The following FBXL18 variants were observed in gnomAD, a reference collection of about 807,000 sequenced individuals.
FBXL18 encodes F-box/LRR-repeat protein 18.
Under a neutral mutation model 46.0 loss-of-function variants are expected in FBXL18, and 36 were observed. The ratio of observed to expected loss-of-function variants is 0.78; its 90% CI spans 0.60 to 1.03. The LOEUF (loss-of-function observed/expected upper bound fraction) is 1.03. FBXL18 is among the 50% of genes least tolerant of loss of function. The pLI is 0.00. For synonymous variants in FBXL18, 557 were observed against 465.3 expected (o/e 1.20, Z -2.54); for missense variants, 977 against 1,004.1 (o/e 0.97, Z 0.36).
intron 3 of FBXL18, among the ~76,000 whole-genome samples, chr7:5,495,112 G>A (rs982315564): frequency 5.3e-5 from 8 of 152,182 alleles, no homozygotes; most frequent in Non-Finnish European, 8.8e-5. Context: ...GGATGGGGAC[G>A]AGGAAAAGGC....
At position 5,501,057 on chromosome 7, in the gene FBXL18, G is replaced by A; in HGVS notation, c.1212C>T (p.His404=). The change falls in exon 3 of 5, where the codon CAC becomes CAT. Residue 404 remains histidine, a synonymous_variant. Transcript: ENST00000382368. ...HHHSSEGLGR[H]LCQLLARLRH... The stretch of plus-strand genomic sequence containing the variant: ...GCAGCCGGGCCAGGAGCTGGCAGAG[G>A]TGGCGGCCCAGGCCCTCCGAGCTGT... The A allele has an allele frequency of 6.2e-7, 1 of 1,609,498 alleles. No individual in the cohort carries two copies. Among genetic ancestry groups the A allele is most frequent in the East Asian group, 2.2e-5 (1 of 44,846 alleles).
intron 3 of FBXL18, among the ~76,000 whole-genome samples, chr7:5,493,796 T>C (rs535416868): frequency 2.8e-4 from 42 of 152,066 alleles, no homozygotes; most frequent in Admixed American, 1.7e-3. Context: ...ATTATAGGCG[T>C]GAGCCACCAT....
At chr7:5,463,704 A>ATATATATATATATAT (rs1562672177) in intron 4 of FBXL18, among the ~76,000 whole-genome samples, 1 of 43,986 alleles carries the variant, frequency 2.3e-5, no homozygotes, top group African/African-American at 1.1e-4. Context: ...CTATATATAT[A>ATATATATATATATAT]TTTATTTATT....
intron 3 of FBXL18, among the ~76,000 whole-genome samples, chr7:5,500,058 C>G (rs539143975): frequency 6.7e-6 from 1 of 149,482 alleles, no homozygotes; most frequent in African/African-American, 2.5e-5. Context: ...GAGCGAGACC[C>G]TGTCTCAAAA....
chr7:5,466,246 T>G (rs542140051), intron 4 of FBXL18, among the ~76,000 whole-genome samples: 38 of 151,936 alleles, frequency 2.5e-4, no homozygotes, highest in Non-Finnish European at 3.7e-4. Context: ...CGGTGTTAAT[T>G]ACCACACAGT....
At chr7:5,510,091 C>T (rs903075641) in intron 1 of FBXL18, among the ~76,000 whole-genome samples, 1 of 151,814 alleles carries the variant, frequency 6.6e-6, no homozygotes, top group African/African-American at 2.4e-5. Context: ...CACTTGACGT[C>T]AGGAGTTCGA....
At chr7:5,466,177 AAAAAGAAAAG>A (rs1005464271) in intron 4 of FBXL18, among the ~76,000 whole-genome samples, 2 of 152,114 alleles carry the variant, frequency 1.3e-5, no homozygotes, top group South Asian at 4.1e-4. Context: ...TTTAAAAAAA[AAAAAGAAAAG>A]AAAAGAAAAA....
rs566971319 is a variant in FBXL18 at position 5,464,348 on chromosome 7, G to A, written c.2001-16505C>T. On this transcript the variant is annotated intron_variant and NMD_transcript_variant, in intron 4 of 6. Transcript: ENST00000415009. ...ACAAAAATTAGCCAGGCATGGTGGC[G>A]CACATCTGTAATCCCAGCTATTCGG... Among the ~76,000 whole-genome samples the A allele has an allele frequency of 9.2e-5, 14 of 151,962 alleles. No individual in the cohort carries two copies. The East Asian group carries it at 1.8e-3, about 19-fold the overall frequency.
intron 4 of FBXL18, chr7:5,489,146 G>A (rs894250009): frequency 4.6e-5 from 20 of 431,230 alleles, no homozygotes; most frequent in African/African-American, 1.4e-4. Flanking sequence ...GGCGGACCAC[G>A]ACACCCAGAT....
intron 3 of FBXL18, among the ~76,000 whole-genome samples, chr7:5,499,903 T>TA (rs1475527280): frequency 1.3e-5 from 2 of 150,908 alleles, no homozygotes; most frequent in African/African-American, 2.4e-5. Flanking sequence ...TACACAATTT[T>TA]AAAAATATAT....
chr7:5,460,723 G>A (rs1783231888), intron 4 of FBXL18, among the ~76,000 whole-genome samples: 2 of 152,220 alleles, frequency 1.3e-5, no homozygotes, highest in South Asian at 4.1e-4. Context: ...AAAGCCCTGG[G>A]ATTACAGCCG....
intron 4 of FBXL18, among the ~76,000 whole-genome samples, chr7:5,459,866 T>G (rs966725785): frequency 6.6e-6 from 1 of 151,988 alleles, no homozygotes; most frequent in African/African-American, 2.4e-5. Flanking sequence ...TGAGCTGAGA[T>G]CACGCTGTCG....
At chr7:5,491,783 C>T (rs1470972643) in intron 3 of FBXL18, among the ~76,000 whole-genome samples, 1 of 152,230 alleles carries the variant, frequency 6.6e-6, no homozygotes, top group Non-Finnish European at 1.5e-5. Context: ...CCCAGGCACC[C>T]TATCTTCCTC....
Position 5,509,304 on chromosome 7 carries a change from G to A in FBXL18, c.19-3674C>T, listed in dbSNP as rs551737975. ...CAATAATTTTTTTTAAAAAGAGAGGGAGAGACAGCAGGCCAGGAATTAAGT... is the reference window on the plus strand; with the variant it reads ...CAATAATTTTTTTTAAAAAGAGAGGAAGAGACAGCAGGCCAGGAATTAAGT... On this transcript the variant is annotated intron_variant, in intron 1 of 4. Transcript: ENST00000382368. Among the ~76,000 whole-genome samples the A allele has an allele frequency of 2.0e-3, 305 of 151,812 alleles. 1 individual carries two copies. The highest frequency in any genetic ancestry group is 2.4e-3 in the Non-Finnish European group (161 of 67,956).
At chr7:5,456,665 G>A (rs1464317512) in intron 4 of FBXL18, among the ~76,000 whole-genome samples, 2 of 150,626 alleles carry the variant, frequency 1.3e-5, no homozygotes. Flanking sequence ...GGCATGGAAA[G>A]GAGGCCAGCA....
chr7:5,459,995 C>T (rs1297075614), intron 4 of FBXL18, among the ~76,000 whole-genome samples: 7 of 152,040 alleles, frequency 4.6e-5, no homozygotes, highest in East Asian at 3.9e-4. Context: ...CACAGTGGCT[C>T]GTGCCTGTAA....
intron 4 of FBXL18, among the ~76,000 whole-genome samples, chr7:5,468,046 G>A (rs1180157378): frequency 1.3e-5 from 2 of 150,234 alleles, no homozygotes; most frequent in African/African-American, 4.9e-5. Flanking sequence ...GCAGTGGCAC[G>A]ATCTCGGCTC....
intron 4 of FBXL18, among the ~76,000 whole-genome samples, chr7:5,458,439 C>T (rs1783201823): frequency 6.6e-6 from 1 of 152,160 alleles, no homozygotes; most frequent in South Asian, 2.1e-4. Context: ...GTGGCTGATG[C>T]CTGTAATCCC....
intron 3 of FBXL18, among the ~76,000 whole-genome samples, chr7:5,493,367 T>C (rs897391949): frequency 4.6e-5 from 7 of 152,040 alleles, no homozygotes; most frequent in African/African-American, 1.7e-4. Context: ...AGTGGCGTGA[T>C]CTCAGCTCAT....
Sources: gnomAD v4.1 joint callset for allele counts (sites outside exome capture counted in the v4.1 genomes callset) on GRCh38, gnomAD v4.1.1 for gene constraint, MANE v1.5 for transcripts, NCBI Gene and HGNC (gene_info 2026-07-23, HGNC 2026-07-21) for gene names.